Variants in SEMA5A observed in about 807,000 individuals in gnomAD.
The protein encoded by SEMA5A is semaphorin-5A.
Under a neutral mutation model 135.5 loss-of-function variants are expected in SEMA5A, and 55 were observed. That is an observed-to-expected ratio of 0.41 (90% confidence interval 0.33 to 0.51). The LOEUF (loss-of-function observed/expected upper bound fraction) is 0.51, where lower values mean the gene tolerates loss of function less well. Ranked by LOEUF, SEMA5A falls within the 20% of genes least tolerant of loss-of-function variation. The probability of loss-of-function intolerance (pLI) is 0.37; values close to 1 mark genes in which losing one functional copy is unlikely to be tolerated. For synonymous variants in SEMA5A, 580 were observed against 546.5 expected (o/e 1.06, Z -0.85); for missense variants, 1,290 against 1,419.9 (o/e 0.91, Z 1.47).
intron 2 of SEMA5A, among the ~76,000 whole-genome samples, chr5:9,396,246 G>GCGCACACACA (rs1554030585): frequency 2.7e-5 from 4 of 148,954 alleles, no homozygotes; most frequent in East Asian, 4.0e-4. Flanking sequence ...GCGCGTGCGT[G>GCGCACACACA]CACACACACA....
intron 20 of SEMA5A, among the ~76,000 whole-genome samples, chr5:9,050,765 G>C (rs1050815225): frequency 5.9e-5 from 9 of 152,212 alleles, no homozygotes; most frequent in Non-Finnish European, 2.9e-5. Context: ...TTGCCGGGGG[G>C]ATCCCCCCAC....
chr5:9,096,823 C>A (rs904156974), intron 16 of SEMA5A, among the ~76,000 whole-genome samples: 1 of 151,926 alleles, frequency 6.6e-6, no homozygotes, highest in African/African-American at 2.4e-5. Flanking sequence ...TAAAAATAGC[C>A]AAAAGGTACA....
chr5:9,265,136 T>C (rs1181584522), intron 5 of SEMA5A, among the ~76,000 whole-genome samples: 2 of 152,126 alleles, frequency 1.3e-5, no homozygotes, highest in African/African-American at 4.8e-5. Context: ...AATAAGGACA[T>C]TCCCCATAGC....
chr5:9,398,026 C>T (rs1357645407), intron 2 of SEMA5A, among the ~76,000 whole-genome samples: 1 of 152,186 alleles, frequency 6.6e-6, no homozygotes, highest in Non-Finnish European at 1.5e-5. Context: ...TCCACGCTAT[C>T]ATCTTCAGAG....
chr5:9,420,615 C>T (rs141298046), intron 2 of SEMA5A, among the ~76,000 whole-genome samples: 1,804 of 152,208 alleles, frequency 0.012, 29 homozygotes, highest in African/African-American at 0.041. Flanking sequence ...TGGGAGATGG[C>T]CTATATCCCT....
At chr5:9,046,382 G>T (rs1415013543) in intron 21 of SEMA5A, among the ~76,000 whole-genome samples, 1 of 152,200 alleles carries the variant, frequency 6.6e-6, no homozygotes, top group Non-Finnish European at 1.5e-5. Flanking sequence ...AACCACCCCA[G>T]TCTGTCTCCT....
At chr5:9,348,746 T>C (rs1231798275) in intron 3 of SEMA5A, among the ~76,000 whole-genome samples, 2 of 152,226 alleles carry the variant, frequency 1.3e-5, no homozygotes, top group East Asian at 3.8e-4. Flanking sequence ...ATTCCAGAAG[T>C]GGCCAAAGTG....
At position 9,491,391 on chromosome 5, in the gene SEMA5A, A is replaced by G. The variant is rs139713465; in HGVS notation, c.-174-53539T>C. Among the ~76,000 whole-genome samples, 175 of 152,096 alleles carry G rather than the reference A, an allele frequency of 1.2e-3. 2 individuals carry two copies. In the East Asian group the frequency reaches 0.029, roughly 25 times the overall value. On this transcript the variant is annotated intron_variant, in intron 1 of 22. Transcript: ENST00000382496. ...GAGTGAACCCTAATGTAAACTATGA[A>G]CTCTGGGTGATAATGATGTGCCAAT... is the stretch of plus-strand genomic sequence containing the variant.
intron 20 of SEMA5A, among the ~76,000 whole-genome samples, chr5:9,050,759 C>CA (rs1447699692): frequency 5.9e-5 from 9 of 152,300 alleles, no homozygotes; most frequent in African/African-American, 2.2e-4. Flanking sequence ...GGTGTCTTGC[C>CA]GGGGGGATCC....
At chr5:9,214,306 G>A (rs1175327045) in intron 8 of SEMA5A, among the ~76,000 whole-genome samples, 1 of 152,186 alleles carries the variant, frequency 6.6e-6, no homozygotes, top group African/African-American at 2.4e-5. Flanking sequence ...TCCAGAGCTC[G>A]GGCCAGGCCT....
rs67762219 is a variant in SEMA5A at position 9,109,028 on chromosome 5, A to ATTT, written c.1926-744_1926-742dup. Among the ~76,000 whole-genome samples, 67 of 92,444 alleles carry ATTT rather than the reference A, an allele frequency of 7.2e-4. 3 individuals carry two copies. Among genetic ancestry groups the ATTT allele is most frequent in the Non-Finnish European group, 8.4e-4 (42 of 50,180 alleles). The allele number at this position is 92,444 out of a possible 152,430, so 60.6% of individuals were successfully genotyped here. On this transcript the variant is annotated intron_variant, in intron 15 of 22. Coordinates refer to ENST00000382496, the MANE Select transcript of SEMA5A (RefSeq NM_003966.3). ...TCATGAGTCATATTATTTCTCTTCA[A>ATTT]TTTTTTTTTTTTTTTTTTTTTTTTT...
At chr5:9,456,816 T>C (rs1436287282) in intron 1 of SEMA5A, among the ~76,000 whole-genome samples, 2 of 152,172 alleles carry the variant, frequency 1.3e-5, no homozygotes, top group African/African-American at 4.8e-5. Context: ...CATTTGGAAA[T>C]TGCCATTCAA....
In SEMA5A at chr5:9,240,963, A is replaced by G. The variant is rs58628668; in HGVS notation, c.271-3073T>C. Among the ~76,000 whole-genome samples the G allele has an allele frequency of 2.2e-3, 340 of 152,246 alleles. 1 individual carries two copies. Among genetic ancestry groups the G allele is most frequent in the African/African-American group, 7.8e-3 (325 of 41,574 alleles). Reference sequence around the variant, plus strand: ...CATTTCCTGAGTCTCCCTTTTAAAAATATTTAATTTTTGTCATCTTTTGTC... The same window carrying G: ...CATTTCCTGAGTCTCCCTTTTAAAAGTATTTAATTTTTGTCATCTTTTGTC... On this transcript the variant is annotated intron_variant, in intron 5 of 22. Transcript: ENST00000382496.
intron 1 of SEMA5A, among the ~76,000 whole-genome samples, chr5:9,445,756 C>T (rs1030014163): frequency 6.6e-6 from 1 of 152,174 alleles, no homozygotes; most frequent in African/African-American, 2.4e-5. Flanking sequence ...AGACCAGTCC[C>T]AGAGGTCAAG....
At chr5:9,189,507 C>T (rs1031250843) in intron 11 of SEMA5A, among the ~76,000 whole-genome samples, 4 of 151,708 alleles carry the variant, frequency 2.6e-5, no homozygotes, top group African/African-American at 7.3e-5. Flanking sequence ...AAACAGTAAT[C>T]GTGATCCATG....
chr5:9,369,327 C>T (rs1343347102), intron 3 of SEMA5A, among the ~76,000 whole-genome samples: 2 of 151,988 alleles, frequency 1.3e-5, no homozygotes, highest in African/African-American at 2.4e-5. Context: ...ATGGTGTCTT[C>T]GAAGAGAAAA....
chr5:9,042,793 A>C lies in SEMA5A; in HGVS notation c.*104T>G. 1 of 1,419,394 alleles carries C rather than the reference A, an allele frequency of 7.0e-7. No homozygotes were observed. The highest frequency in any genetic ancestry group is 9.8e-7 in the Non-Finnish European group (1 of 1,020,574). 87.9% of individuals were successfully genotyped at this position (1,419,394 alleles called of 1,614,324 possible). On this transcript the variant is annotated 3_prime_UTR_variant, in exon 23 of 23. Coordinates refer to ENST00000382496, the MANE Select transcript of SEMA5A (RefSeq NM_003966.3). ...CTCTGGTGGCTTGAAATGCACTTGA[A>C]ATGTATCCAAACTTCGACTCTGAAG...
At chr5:9,296,749 A>G (rs1751352098) in intron 5 of SEMA5A, among the ~76,000 whole-genome samples, 2 of 151,972 alleles carry the variant, frequency 1.3e-5, no homozygotes, top group African/African-American at 2.4e-5. Flanking sequence ...AAATTTCAGG[A>G]TTTCTTTATG....
chr5:9,171,634 C>A (rs894693756), intron 11 of SEMA5A, among the ~76,000 whole-genome samples: 5 of 152,064 alleles, frequency 3.3e-5, no homozygotes, highest in African/African-American at 1.2e-4. Context: ...AATCTCAGGC[C>A]AGTTCTTATT....
Sources: gnomAD v4.1 joint callset for allele counts (sites outside exome capture counted in the v4.1 genomes callset) on GRCh38, gnomAD v4.1.1 for gene constraint, MANE v1.5 for transcripts, NCBI Gene and HGNC (gene_info 2026-07-23, HGNC 2026-07-21) for gene names.